Variants in JAKMIP3 observed in about 807,000 individuals in gnomAD.
JAKMIP3 encodes the protein Janus kinase and microtubule interacting protein 3, also known as janus kinase and microtubule-interacting protein 3.
In JAKMIP3, 58 loss-of-function variants were observed where a neutral mutation model predicts 118.5. The observed-to-expected ratio is 0.49, with a 90% confidence interval of 0.40 to 0.61. The LOEUF (loss-of-function observed/expected upper bound fraction) is 0.61, where lower values mean the gene tolerates loss of function less well. JAKMIP3 is among the 20% of genes least tolerant of loss of function. The probability of loss-of-function intolerance (pLI) is 0.00; values close to 1 mark genes in which losing one functional copy is unlikely to be tolerated. For synonymous variants in JAKMIP3, 486 were observed against 451.2 expected, an observed-to-expected ratio of 1.08 and a Z score of -0.98; for missense variants, 950 against 1,109.0, an observed-to-expected ratio of 0.86 and a Z score of 2.04.
At chr10:132,074,047 CTTTTG>C (rs2040397712) in intron 1 of JAKMIP3, among the ~76,000 whole-genome samples, 1 of 152,130 alleles carries the variant, frequency 6.6e-6, no homozygotes, top group East Asian at 1.9e-4. Flanking sequence ...TATTTTTTGA[CTTTTG>C]TTTTGTTTTG....
chr10:132,163,595 G>A (rs566323083), intron 20 of JAKMIP3, among the ~76,000 whole-genome samples, 183 bp downstream of exon 20: 62 of 152,144 alleles, frequency 4.1e-4, no homozygotes, highest in African/African-American at 1.3e-3. Context: ...CCCCCAAACC[G>A]TCACGCCTTC....
rs142053736 is a variant in JAKMIP3, at chr10:132,037,695, G to A, written c.-138+957G>A. Among the ~76,000 whole-genome samples the A allele has an allele frequency of 3.8e-3, 582 of 152,346 alleles. 6 individuals carry two copies. Among genetic ancestry groups the A allele is most frequent in the African/African-American group, 0.013 (548 of 41,594 alleles). ...GTCGGGCTGCTCTGCTGACCCCTTA[G>A]TAAACTGGAGTGGGGAGGGCGGAGT... On this transcript the variant is annotated intron_variant, in intron 1 of 23. Coordinates refer to the JAKMIP3 transcript ENST00000657785.
rs1459967395 is a variant in JAKMIP3 at position 132,066,029 on chromosome 10, T to G, written c.-170T>G. ...AGATTCTCACAGTCGAGCAGAGCGA[T>G]GGGAGAGAGGAGCAGACAGCGAGCT... On this transcript the variant is annotated 5_prime_UTR_variant, in exon 1 of 24. An upstream start codon of the reference 5' UTR is lost. Transcript: ENST00000684848. Among the ~76,000 whole-genome samples the G allele has an allele frequency of 6.6e-6, 1 of 152,118 alleles. No individual in the cohort carries two copies. The highest frequency in any genetic ancestry group is 2.4e-5 in the African/African-American group (1 of 41,436).
intron 1 of JAKMIP3, among the ~76,000 whole-genome samples, chr10:132,098,799 C>G (rs984720395): frequency 1.3e-5 from 2 of 152,194 alleles, no homozygotes; most frequent in Admixed American, 6.5e-5. Context: ...GCGCTCCTCT[C>G]TCAGAGCTGG....
intron 20 of JAKMIP3, among the ~76,000 whole-genome samples, chr10:132,164,445 G>A (rs1043428506): frequency 2.6e-5 from 4 of 152,228 alleles, no homozygotes; most frequent in Non-Finnish European, 5.9e-5. Flanking sequence ...GCAGGAATTG[G>A]AAGGATATTG....
At chr10:132,143,241 T>A (rs534975464) in intron 11 of JAKMIP3, among the ~76,000 whole-genome samples, 1 of 152,312 alleles carries the variant, frequency 6.6e-6, no homozygotes, top group East Asian at 1.9e-4. Context: ...TCTTTCACTT[T>A]GACTTAATTT....
chr10:132,141,922 C>T lies in JAKMIP3; in HGVS notation c.1476C>T (p.Gly492=), dbSNP rs760172819. The change falls in exon 11 of 24, where the codon GGC becomes GGT. Residue 492 remains glycine, a splice_region_variant and synonymous_variant. Coordinates refer to ENST00000684848, the MANE Select transcript of JAKMIP3 (RefSeq NM_001323087.2). ...PCTPDDDLEE[G]MAKEETELRF... is the part of the protein sequence containing the mutation. ...GTGTGGCATCCGTGTCTCTCCAGGG[C>T]ATGGCCAAGGAGGAGACGGAGCTGA... is the stretch of plus-strand genomic sequence containing the variant. The T allele has an allele frequency of 5.6e-6, 9 of 1,593,306 alleles. No homozygotes were observed. Among genetic ancestry groups the T allele is most frequent in the Non-Finnish European group, 7.7e-6 (9 of 1,170,530 alleles).
intron 9 of JAKMIP3, among the ~76,000 whole-genome samples, chr10:132,139,302 GTGTGAGTGTGTA>G (rs1314281541): frequency 8.8e-6 from 1 of 113,122 alleles, no homozygotes; most frequent in African/African-American, 4.7e-5. Flanking sequence ...CTGTGTATGT[GTGTGAGTGTGTA>G]TGTGTATGTG....
At chr10:132,110,994 G>C (rs1380798933) in intron 2 of JAKMIP3, among the ~76,000 whole-genome samples, 1 of 152,232 alleles carries the variant, frequency 6.6e-6, no homozygotes, top group East Asian at 1.9e-4. Flanking sequence ...GCCTGTTCTG[G>C]GGTTTGGCCA....
At position 132,150,070 on chromosome 10, in the gene JAKMIP3, C is replaced by T. The variant is rs200817898; in HGVS notation, c.2007+29C>T. ...TGTCGCTCTCCTGGCTTGTGCATGC[C>T]TCTTACACCCACAACCCCCAGCCCA... On this transcript the variant is annotated intron_variant, in intron 16 of 23. Transcript: ENST00000684848. 37 of 1,564,742 alleles carry T rather than the reference C, an allele frequency of 2.4e-5. No homozygotes were observed. The African/African-American group carries it at 4.7e-4, about 20-fold the overall frequency.
intron 1 of JAKMIP3, among the ~76,000 whole-genome samples, chr10:132,048,788 C>G (rs2038011643): frequency 8.4e-6 from 1 of 119,346 alleles, no homozygotes; most frequent in South Asian, 3.6e-4. Context: ...AGGCACCCGC[C>G]ACCACCCCCG....
upstream of JAKMIP3, among the ~76,000 whole-genome samples, chr10:132,064,682 G>A (rs1396650511): frequency 1.3e-5 from 2 of 152,308 alleles, no homozygotes; most frequent in East Asian, 3.9e-4. This position sits in a 1 kb window ranked among gnomAD's most constrained non-coding sequence, Gnocchi z 4.4. Flanking sequence ...TTGGAGGGTT[G>A]TTGCATCACC....
At chr10:132,169,190 G>A (rs1311490941) in intron 23 of JAKMIP3, among the ~76,000 whole-genome samples, 157 bp downstream of exon 23, 1 of 152,200 alleles carries the variant, frequency 6.6e-6, no homozygotes, top group Non-Finnish European at 1.5e-5. Flanking sequence ...GCCACTGACG[G>A]GACAGGGCCT....
chr10:132,084,510 G>A (rs1158891918), intron 1 of JAKMIP3, among the ~76,000 whole-genome samples: 1 of 152,124 alleles, frequency 6.6e-6, no homozygotes, highest in Non-Finnish European at 1.5e-5. Context: ...TCCTCTTTAT[G>A]GATTTGTATG....
intron 1 of JAKMIP3, among the ~76,000 whole-genome samples, chr10:132,078,619 CG>C (rs10568086): frequency 0.3 from 40,716 of 133,778 alleles, 6,343 homozygotes; most frequent in Middle Eastern, 0.5. Flanking sequence ...TCTCTGGGGG[CG>C]GGGGGGGGGG....
intron 23 of JAKMIP3, among the ~76,000 whole-genome samples, chr10:132,172,912 C>A: frequency 6.6e-6 from 1 of 150,924 alleles, no homozygotes; most frequent in Non-Finnish European, 1.5e-5. Flanking sequence ...CCTGTGCACA[C>A]CCACACACCT....
rs149917047 is a variant in JAKMIP3 at position 132,164,340 on chromosome 10, G to A, written c.2425-330G>A. On this transcript the variant is annotated intron_variant, in intron 20 of 23. Transcript: ENST00000684848. ...CCCAGCTCTCCTGCGACCCTCTGGC[G>A]GCCCCTTACTCCGCTGCGGTGGCAT... 1.7e-3 allele frequency among the ~76,000 whole-genome samples: 252 copies of A among 152,338 alleles called. 2 individuals are homozygous for A. Among genetic ancestry groups the A allele is most frequent in the African/African-American group, 5.7e-3 (237 of 41,580 alleles).
At chr10:132,151,704 G>C (rs1443172412) in intron 16 of JAKMIP3, among the ~76,000 whole-genome samples, 1 of 152,162 alleles carries the variant, frequency 6.6e-6, no homozygotes, top group Non-Finnish European at 1.5e-5. Flanking sequence ...GCCCCACCCA[G>C]GCCTATTTCA....
chr10:132,126,438 G>C (rs2049564558), intron 3 of JAKMIP3, among the ~76,000 whole-genome samples: 1 of 152,054 alleles, frequency 6.6e-6, no homozygotes, highest in South Asian at 2.1e-4. Flanking sequence ...GAGTAGCTGG[G>C]ACTACAGGCA....
Sources: allele counts gnomAD v4.1 joint callset (sites outside exome capture counted in the v4.1 genomes callset), GRCh38; gene constraint gnomAD v4.1.1; non-coding constraint Gnocchi (gnomAD v3.1); transcripts MANE v1.5; gene names NCBI Gene and HGNC (gene_info 2026-07-23, HGNC 2026-07-21).